The following TMEM114 variants were observed in gnomAD, a reference collection of about 807,000 sequenced individuals.
The protein encoded by TMEM114 is claudin-26.
Under a neutral mutation model 6.2 loss-of-function variants are expected in TMEM114, and 6 were observed. The ratio of observed to expected loss-of-function variants is 0.97; its 90% CI spans 0.53 to 1.91. The LOEUF is 1.91. TMEM114 is among the 40% of genes most tolerant of loss of function. The pLI, the probability that TMEM114 is intolerant of heterozygous loss-of-function variation, is 0.01. For missense variants in TMEM114, 218 were observed against 158.3 expected, an observed-to-expected ratio of 1.38 and a Z score of -2.02; for synonymous variants, 104 against 73.0, an observed-to-expected ratio of 1.42 and a Z score of -2.16.
At chr16:8,571,132 A>ATTT (rs1901721620) in intron 3 of TMEM114, among the ~76,000 whole-genome samples, 1 of 24,024 alleles carries the variant, frequency 4.2e-5, no homozygotes, top group African/African-American at 2.3e-4. Context: ...TTTTTTTTTA[A>ATTT]AAGGAACATT....
At chr16:8,541,345 A>G (rs747344300) in intron 2 of TMEM114, among the ~76,000 whole-genome samples, 15 of 152,200 alleles carry the variant, frequency 9.9e-5, no homozygotes, top group Admixed American at 3.9e-4. Flanking sequence ...GTCCAGGGTT[A>G]CATTATTAAT....
chr16:8,552,202 C>T (rs992447426), intron 2 of TMEM114, among the ~76,000 whole-genome samples: 8 of 149,816 alleles, frequency 5.3e-5, no homozygotes, highest in African/African-American at 1.2e-4. Context: ...CAGCAAGACC[C>T]TATCTCTGCA....
At chr16:8,571,986 G>A (rs1020765309) in intron 3 of TMEM114, 101 bp downstream of exon 3, 24 of 1,362,022 alleles carry the variant, frequency 1.8e-5, no homozygotes, top group South Asian at 4.8e-5. Context: ...TGAACCCCAC[G>A]AGGCCCTGGG....
intron 2 of TMEM114, among the ~76,000 whole-genome samples, chr16:8,538,727 C>G (rs961949782): frequency 6.6e-6 from 1 of 151,686 alleles, no homozygotes. Context: ...AGGATGGTGT[C>G]GATCTCCTGA....
rs540175191 is a variant in TMEM114, at chr16:8,564,451, G to A, written n.212+24762C>T. On this transcript the variant is annotated intron_variant and non_coding_transcript_variant, in intron 2 of 2. Coordinates refer to the TMEM114 transcript ENST00000623677. ...TGAGTGAGGGAGGGAGGGAATGAGTGAGTGAGTAAATGAGTGAGGGAGGGA... is the reference window on the plus strand; with the variant it reads ...TGAGTGAGGGAGGGAGGGAATGAGTAAGTGAGTAAATGAGTGAGGGAGGGA... 1.1e-3 allele frequency among the ~76,000 whole-genome samples: 163 copies of A among 148,674 alleles called. 7 individuals carry two copies. Among genetic ancestry groups the A allele is most frequent in the African/African-American group, 4.1e-3 (162 of 39,436 alleles).
chr16:8,566,664 C>A (rs139346942), downstream of TMEM114, among the ~76,000 whole-genome samples: 1 of 152,158 alleles, frequency 6.6e-6, no homozygotes, highest in Non-Finnish European at 1.5e-5. Flanking sequence ...CCTGCCTCTA[C>A]CTTCACCTCC....
At chr16:8,545,426 C>G (rs1900634576) in intron 2 of TMEM114, among the ~76,000 whole-genome samples, 2 of 152,200 alleles carry the variant, frequency 1.3e-5, no homozygotes, top group Admixed American at 6.5e-5. Context: ...CAGTTATACT[C>G]TGTCTCAGAA....
At chr16:8,545,091 C>A (rs941916063) in intron 2 of TMEM114, among the ~76,000 whole-genome samples, 1 of 152,038 alleles carries the variant, frequency 6.6e-6, no homozygotes, top group Non-Finnish European at 1.5e-5. Flanking sequence ...TATATTGCAC[C>A]CTTTCTCTTT....
downstream of TMEM114, among the ~76,000 whole-genome samples, chr16:8,566,897 G>GT (rs71150402): frequency 0.48 from 47,625 of 98,232 alleles, 12,921 homozygotes; most frequent in East Asian, 0.69. Flanking sequence ...CATCACCCTG[G>GT]TTTTTTTTTT....
chr16:8,563,038 G>A (rs934164098), intron 2 of TMEM114, among the ~76,000 whole-genome samples: 12 of 143,236 alleles, frequency 8.4e-5, no homozygotes, highest in African/African-American at 2.6e-4. Context: ...ATGAGTGAGT[G>A]AATGAGTAAA....
In TMEM114 at chr16:8,569,764, C is replaced by T. The variant is rs1320284208; in HGVS notation, c.*9G>A. On this transcript the variant is annotated 3_prime_UTR_variant, in exon 4 of 4. Coordinates refer to ENST00000620492, the MANE Select transcript of TMEM114 (RefSeq NM_001146336.2). ...CCCCTCCCTCCCCTCCACGACCCAG[C>T]GCCCAGGCTCATATGGCCTGGTCCT... 13 of 1,545,108 alleles carry T rather than the reference C, an allele frequency of 8.4e-6. No individual in the cohort carries two copies. Among genetic ancestry groups the T allele is most frequent in the South Asian group, 1.2e-5 (1 of 83,848 alleles).
intron 2 of TMEM114, among the ~76,000 whole-genome samples, chr16:8,555,553 G>A (rs772603556): frequency 4.6e-5 from 7 of 152,296 alleles, no homozygotes; most frequent in South Asian, 4.1e-4. Context: ...CTGTCATGGC[G>A]CTGGTAGATG....
At chr16:8,573,899 A>G (rs1293498644) in intron 2 of TMEM114, among the ~76,000 whole-genome samples, 1 of 152,102 alleles carries the variant, frequency 6.6e-6, no homozygotes, top group Non-Finnish European at 1.5e-5. Context: ...AGAGGATCTT[A>G]TTTCCCTGTG....
At chr16:8,572,741 TG>T (rs1325799695) in intron 2 of TMEM114, among the ~76,000 whole-genome samples, 1 of 152,168 alleles carries the variant, frequency 6.6e-6, no homozygotes, top group Non-Finnish European at 1.5e-5. Context: ...TGGCCAGAGC[TG>T]GTTTCTAACA....
chr16:8,538,421 C>G (rs986067931), intron 2 of TMEM114, among the ~76,000 whole-genome samples: 1 of 151,984 alleles, frequency 6.6e-6, no homozygotes, highest in South Asian at 2.1e-4. Flanking sequence ...CATCGTGTTC[C>G]CTATTGTACC....
intron 2 of TMEM114, among the ~76,000 whole-genome samples, chr16:8,538,855 G>T (rs538340219): frequency 1.3e-5 from 2 of 152,150 alleles, no homozygotes; most frequent in African/African-American, 4.8e-5. Flanking sequence ...TATGTGTGTG[G>T]ATGTATGTAT....
chr16:8,541,342 G>A (rs1250784225), intron 2 of TMEM114, among the ~76,000 whole-genome samples: 1 of 152,034 alleles, frequency 6.6e-6, no homozygotes, highest in African/African-American at 2.4e-5. Context: ...ACAGTCCAGG[G>A]TTACATTATT....
chr16:8,561,665 A>C (rs1901205151), intron 2 of TMEM114, among the ~76,000 whole-genome samples: 1 of 152,256 alleles, frequency 6.6e-6, no homozygotes, highest in African/African-American at 2.4e-5. Context: ...AAGTGAATGA[A>C]TGAGTGAATA....
At chr16:8,534,236 G>C (rs1596462152), downstream of TMEM114, among the ~76,000 whole-genome samples, 1 of 152,026 alleles carries the variant, frequency 6.6e-6, no homozygotes, top group Non-Finnish European at 1.5e-5. Context: ...CAAAACTGCA[G>C]ACAATTAATC....
Sources: gnomAD v4.1 joint callset for allele counts (sites outside exome capture counted in the v4.1 genomes callset) on GRCh38, gnomAD v4.1.1 for gene constraint, MANE v1.5 for transcripts, NCBI Gene and HGNC (gene_info 2026-07-23, HGNC 2026-07-21) for gene names.